NTRK3: variants seen among roughly 807,000 people sequenced by gnomAD.
NTRK3 encodes the protein neurotrophic receptor tyrosine kinase 3.
NTRK3 carries 24 observed loss-of-function variants against 91.7 expected under a neutral mutation model. The ratio of observed to expected loss-of-function variants is 0.26; its 90% CI spans 0.19 to 0.37. The LOEUF (loss-of-function observed/expected upper bound fraction) is 0.37, where lower values mean the gene tolerates loss of function less well. NTRK3 is among the 10% of genes least tolerant of loss of function. The pLI is 1.00. For synonymous variants in NTRK3, 483 were observed against 404.0 expected, an observed-to-expected ratio of 1.20 and a Z score of -2.34; for missense variants, 880 against 1,068.9, an observed-to-expected ratio of 0.82 and a Z score of 2.46.
At chr15:88,119,558 G>A (rs11856182) in intron 13 of NTRK3, among the ~76,000 whole-genome samples, 36,854 of 152,136 alleles carry the variant, frequency 0.24, 4,817 homozygotes, top group African/African-American at 0.31. Flanking sequence ...AAAGAAGCCA[G>A]AAACCACTCT....
intron 17 of NTRK3, among the ~76,000 whole-genome samples, chr15:87,914,070 C>G (rs1304540442): frequency 6.6e-6 from 1 of 152,200 alleles, no homozygotes; most frequent in Non-Finnish European, 1.5e-5. Flanking sequence ...TGTTGTTAGG[C>G]TTTCTTAGCT....
chr15:87,913,306 C>T (rs1161267599), intron 17 of NTRK3, among the ~76,000 whole-genome samples: 2 of 152,000 alleles, frequency 1.3e-5, no homozygotes, highest in Non-Finnish European at 2.9e-5. Context: ...AACACAGGTG[C>T]ACTCAATAAA....
At position 88,146,660 on chromosome 15, in the gene NTRK3, G is replaced by A. The variant is rs538729954; in HGVS notation, c.464+675C>T. On this transcript the variant is annotated intron_variant, in intron 6 of 18. Coordinates refer to ENST00000394480, the Ensembl canonical transcript of NTRK3. ...TGCAGAATGGCTGGCTGGGATAGGG[G>A]TGCCCTGATCAGCCTTGGACCACAG... 2.8e-4 allele frequency among the ~76,000 whole-genome samples: 42 copies of A among 152,294 alleles called. 1 individual carries two copies. The South Asian group carries it at 3.7e-3, about 14-fold the overall frequency.
chr15:87,915,235 C>CATCAT (rs1348140783), intron 17 of NTRK3, among the ~76,000 whole-genome samples: 2 of 152,170 alleles, frequency 1.3e-5, no homozygotes, highest in African/African-American at 2.4e-5. Flanking sequence ...AAGCAGTAAC[C>CATCAT]ATCATATAGC....
chr15:88,042,071 A>AT (rs1567278935), intron 13 of NTRK3, among the ~76,000 whole-genome samples: 1 of 152,118 alleles, frequency 6.6e-6, no homozygotes, highest in Non-Finnish European at 1.5e-5. Flanking sequence ...TAAGAAAATG[A>AT]TTTTTTTAAA....
chr15:88,188,874 T>A (rs2151655624), intron 3 of NTRK3, among the ~76,000 whole-genome samples: 1 of 152,294 alleles, frequency 6.6e-6, no homozygotes, highest in African/African-American at 2.4e-5. Context: ...CCACTGAAAG[T>A]TCCTCTCCTG....
At chr15:87,931,418 G>T (rs1347958619) in intron 16 of NTRK3, among the ~76,000 whole-genome samples, 1 of 152,140 alleles carries the variant, frequency 6.6e-6, no homozygotes, top group African/African-American at 2.4e-5. Flanking sequence ...AGCTACCATT[G>T]GCTGATCACT....
chr15:88,138,248 C>G (rs2151229397), intron 6 of NTRK3, among the ~76,000 whole-genome samples: 1 of 149,072 alleles, frequency 6.7e-6, no homozygotes, highest in East Asian at 2.0e-4. Flanking sequence ...ACTAAAAATA[C>G]AAAAACAAAA....
intron 14 of NTRK3, among the ~76,000 whole-genome samples, chr15:87,962,081 G>C (rs1006097627): frequency 2.6e-5 from 4 of 152,168 alleles, no homozygotes; most frequent in Non-Finnish European, 5.9e-5. Context: ...AGCTTGCTTG[G>C]GCTGTAGGAA....
At chr15:88,206,673 A>C (rs1204979529) in intron 3 of NTRK3, among the ~76,000 whole-genome samples, 2 of 149,686 alleles carry the variant, frequency 1.3e-5, no homozygotes, top group African/African-American at 4.9e-5. Context: ...AAAAAAAAAA[A>C]AAAACAAACC....
intron 14 of NTRK3, among the ~76,000 whole-genome samples, chr15:87,995,754 C>T (rs1028509164): frequency 6.6e-6 from 1 of 152,152 alleles, no homozygotes; most frequent in African/African-American, 2.4e-5. Context: ...ATATTATAGG[C>T]TTTTCAGGCC....
At chr15:88,090,785 G>A (rs962791918) in intron 13 of NTRK3, among the ~76,000 whole-genome samples, 1 of 151,982 alleles carries the variant, frequency 6.6e-6, no homozygotes, top group Non-Finnish European at 1.5e-5. Flanking sequence ...CCCAGGGGCC[G>A]AACCCTGGCT....
intron 13 of NTRK3, among the ~76,000 whole-genome samples, chr15:88,061,605 GC>G: frequency 6.6e-6 from 1 of 152,242 alleles, no homozygotes; most frequent in Non-Finnish European, 1.5e-5. Context: ...GGACACTCAC[GC>G]CCCCGCAGGG....
At chr15:87,906,360 GC>G (rs2066764326) in intron 17 of NTRK3, among the ~76,000 whole-genome samples, 1 of 152,162 alleles carries the variant, frequency 6.6e-6, no homozygotes, top group Admixed American at 6.5e-5. Context: ...AGAAGGAAGG[GC>G]CTTAAGATGC....
chr15:88,186,089 G>C (rs908261723), intron 3 of NTRK3, among the ~76,000 whole-genome samples: 7 of 152,162 alleles, frequency 4.6e-5, no homozygotes, highest in Non-Finnish European at 7.3e-5. Flanking sequence ...CAGAGGAGTA[G>C]AACTATCTGT....
intron 14 of NTRK3, chr15:87,978,678 G>A (rs143425269): frequency 1.8e-4 from 43 of 232,888 alleles, no homozygotes; most frequent in African/African-American, 9.0e-4. Flanking sequence ...AGAAGAGGAA[G>A]TAGGGGGCAA....
chr15:88,192,568 A>G (rs1040518553), intron 3 of NTRK3, among the ~76,000 whole-genome samples: 1 of 151,960 alleles, frequency 6.6e-6, no homozygotes, highest in East Asian at 1.9e-4. Flanking sequence ...AAACCCTCCA[A>G]TGGCTTCCTT....
At chr15:88,124,032 G>A (rs555216778) in intron 13 of NTRK3, among the ~76,000 whole-genome samples, 34 of 152,192 alleles carry the variant, frequency 2.2e-4, no homozygotes, top group Middle Eastern at 3.4e-3. Context: ...TTGAGAAGAG[G>A]GATGCATTCG....
exon 19 of NTRK3, chr15:87,863,482 G>A: frequency 4.5e-6 from 1 of 220,044 alleles, no homozygotes; most frequent in East Asian, 6.6e-5. Context: ...TTTCAGCAAA[G>A]GCTGATTTCA....
Sources: gnomAD v4.1 joint callset for allele counts (sites outside exome capture counted in the v4.1 genomes callset) on GRCh38, gnomAD v4.1.1 for gene constraint, MANE v1.5 for transcripts, NCBI Gene and HGNC (gene_info 2026-07-23, HGNC 2026-07-21) for gene names.